The following AP3B1 variants were observed in gnomAD, a reference collection of about 807,000 sequenced individuals.
AP3B1 encodes the protein adaptor related protein complex 3 subunit beta 1, also known as AP-3 complex subunit beta-1.
A neutral mutation model predicts 132.5 loss-of-function variants in AP3B1; 61 were observed. That is an observed-to-expected ratio of 0.46 (90% CI 0.37 to 0.57). The LOEUF (loss-of-function observed/expected upper bound fraction) is 0.57, where lower values mean the gene tolerates loss of function less well. Among genes scored for constraint, AP3B1 ranks in the 20% least tolerant of loss-of-function variants. The pLI, the probability that AP3B1 is intolerant of heterozygous loss-of-function variation, is 0.00. For synonymous variants in AP3B1, 388 were observed against 438.3 expected, an observed-to-expected ratio of 0.89 and a Z score of 1.43; for missense variants, 1,120 against 1,289.4, an observed-to-expected ratio of 0.87 and a Z score of 2.01.
At chr5:78,108,879 A>G (rs1381225887) in intron 20 of AP3B1, among the ~76,000 whole-genome samples, 2 of 152,178 alleles carry the variant, frequency 1.3e-5, no homozygotes, top group African/African-American at 4.8e-5. Context: ...ACTGAAGTCT[A>G]TAATTTTTCA....
Position 78,181,630 on chromosome 5 carries a change from G to C in AP3B1, c.819C>G (p.Phe273Leu), listed in dbSNP as rs1395091420. The C allele has an allele frequency of 6.2e-7, 1 of 1,612,186 alleles. No individual in the cohort carries two copies. Among genetic ancestry groups the C allele is most frequent in the Admixed American group, 1.7e-5 (1 of 59,838 alleles). ...CCTTCTGATCATCATCAGATTCGTA[G>C]AAATTCTTTCCATTGTCTTCTAATT... is the stretch of plus-strand genomic sequence containing the variant. ...GDELEDNGKNFYESDDDQKEK... is the reference protein window; with the variant it reads ...GDELEDNGKNLYESDDDQKEK... The change falls in exon 8 of 27, where the codon TTC (phenylalanine) becomes TTG (leucine). Residue 273 changes from phenylalanine to leucine, a missense_variant. Phe to Leu is a conservative substitution (Grantham distance 22). Coordinates refer to ENST00000255194, the MANE Select transcript of AP3B1 (RefSeq NM_003664.5).
At chr5:78,177,730 GA>G (rs1009635514) in intron 8 of AP3B1, among the ~76,000 whole-genome samples, 13 of 150,084 alleles carry the variant, frequency 8.7e-5, no homozygotes, top group South Asian at 2.1e-4. Context: ...CCTTATAAGA[GA>G]AAAAAAAAGG....
At chr5:78,118,535 C>A (rs767040895) in intron 17 of AP3B1, among the ~76,000 whole-genome samples, 167 of 152,328 alleles carry the variant, frequency 1.1e-3, no homozygotes, top group African/African-American at 3.3e-3. Context: ...TATCCCACAC[C>A]TGGCTCAGAG....
intron 14 of AP3B1, among the ~76,000 whole-genome samples, chr5:78,152,176 C>T (rs1313346936): frequency 6.8e-6 from 1 of 146,144 alleles, no homozygotes; most frequent in Admixed American, 7.0e-5. Flanking sequence ...GTTTCGGTAT[C>T]AGGGTAACAA....
intron 2 of AP3B1, among the ~76,000 whole-genome samples, chr5:78,245,011 G>A (rs1481255086): frequency 6.6e-6 from 1 of 151,880 alleles, no homozygotes; most frequent in African/African-American, 2.4e-5. Context: ...AAACAAAGTA[G>A]AAATTGTGGA....
At chr5:78,096,732 C>A (rs1404674046) in intron 21 of AP3B1, among the ~76,000 whole-genome samples, 3 of 150,276 alleles carry the variant, frequency 2.0e-5, no homozygotes, top group Admixed American at 1.3e-4. Context: ...ACCCTCCACC[C>A]GGCAACTGCC....
chr5:78,177,981 T>C (rs1309117921), intron 8 of AP3B1, among the ~76,000 whole-genome samples: 2 of 152,094 alleles, frequency 1.3e-5, no homozygotes, highest in African/African-American at 4.8e-5. Context: ...TGGCAATATG[T>C]ATGGCAGTGC....
intron 2 of AP3B1, among the ~76,000 whole-genome samples, chr5:78,266,221 TAACTA>T (rs147569800): frequency 0.016 from 2,391 of 152,274 alleles, 67 homozygotes; most frequent in African/African-American, 0.055. Flanking sequence ...TGGTGTCACT[TAACTA>T]AACTGTAGTA....
At chr5:78,110,421 T>A (rs969697249) in intron 19 of AP3B1, 67 bp from the exon 20 acceptor site, 168 of 1,305,382 alleles carry the variant, frequency 1.3e-4, no homozygotes, top group Middle Eastern at 5.2e-4. Context: ...TATAAAAAAA[T>A]TGTTTTTAAA....
intron 22 of AP3B1, among the ~76,000 whole-genome samples, chr5:78,070,235 C>T (rs1032302091): frequency 1.3e-5 from 2 of 151,860 alleles, no homozygotes; most frequent in Admixed American, 6.6e-5. Flanking sequence ...GGTGAAACCC[C>T]GTATCTACTA....
intron 21 of AP3B1, among the ~76,000 whole-genome samples, chr5:78,091,654 TTG>T (rs1245393379): frequency 2.6e-5 from 4 of 152,198 alleles, no homozygotes; most frequent in Non-Finnish European, 4.4e-5. Context: ...AGCCAGTTAA[TTG>T]TTGGATAACA....
intron 21 of AP3B1, among the ~76,000 whole-genome samples, chr5:78,092,760 G>T (rs1006559147): frequency 6.6e-6 from 1 of 151,902 alleles, no homozygotes; most frequent in Admixed American, 6.6e-5. Flanking sequence ...CAATCCTCCC[G>T]CCTCAGCCTC....
chr5:78,130,346 G>A (rs1272295023), intron 15 of AP3B1, among the ~76,000 whole-genome samples: 1 of 152,036 alleles, frequency 6.6e-6, no homozygotes, highest in East Asian at 1.9e-4. Context: ...GTTAGGCAGA[G>A]CTAAAGACAA....
At chr5:78,003,782 C>T (rs1257383700) in intron 26 of AP3B1, among the ~76,000 whole-genome samples, 6 of 152,128 alleles carry the variant, frequency 3.9e-5, no homozygotes, top group Non-Finnish European at 7.4e-5. Flanking sequence ...CATGAAGAAC[C>T]TACTGATTAC....
intron 22 of AP3B1, among the ~76,000 whole-genome samples, chr5:78,085,402 G>A (rs1293723954): frequency 6.6e-6 from 1 of 151,924 alleles, no homozygotes; most frequent in Non-Finnish European, 1.5e-5. Flanking sequence ...TTTTATTGAA[G>A]TAGAATATAC....
At chr5:78,011,499 A>G (rs1176618925) in intron 26 of AP3B1, among the ~76,000 whole-genome samples, 2 of 152,214 alleles carry the variant, frequency 1.3e-5, no homozygotes, top group Non-Finnish European at 1.5e-5. Flanking sequence ...AAAATCATAT[A>G]ATCTAACAGT....
chr5:78,217,868 C>T (rs1037730557), intron 6 of AP3B1, among the ~76,000 whole-genome samples: 1 of 151,982 alleles, frequency 6.6e-6, no homozygotes, highest in Admixed American at 6.6e-5. Flanking sequence ...TTTTAAAATA[C>T]TATGTAAAAT....
intron 2 of AP3B1, among the ~76,000 whole-genome samples, chr5:78,256,282 G>GA (rs943782533): frequency 2.4e-4 from 36 of 150,380 alleles, no homozygotes; most frequent in Non-Finnish European, 4.2e-4. Flanking sequence ...GCCAGACTAA[G>GA]AAAAAAAAGA....
At chr5:78,183,989 G>A (rs1744488621) in intron 7 of AP3B1, among the ~76,000 whole-genome samples, 1 of 151,308 alleles carries the variant, frequency 6.6e-6, no homozygotes, top group African/African-American at 2.4e-5. Flanking sequence ...CCAACATGGT[G>A]AAACTCCATC....
Sources: allele counts gnomAD v4.1 joint callset (sites outside exome capture counted in the v4.1 genomes callset), GRCh38; gene constraint gnomAD v4.1.1; transcripts MANE v1.5; gene names NCBI Gene and HGNC (gene_info 2026-07-23, HGNC 2026-07-21).